LRRN1: variants seen among roughly 807,000 people sequenced by gnomAD.
The protein encoded by LRRN1 is leucine rich repeat neuronal 1, also known as leucine-rich repeat neuronal protein 1.
Under a neutral mutation model 45.8 loss-of-function variants are expected in LRRN1, and 14 were observed. The ratio of observed to expected loss-of-function variants is 0.31; its 90% confidence interval spans 0.20 to 0.48. The LOEUF (loss-of-function observed/expected upper bound fraction) is 0.48. LRRN1 is among the 20% of genes least tolerant of loss of function. The pLI is 0.99. For synonymous variants in LRRN1, 359 were observed against 330.1 expected (o/e 1.09, Z -0.95); for missense variants, 789 against 874.2 (o/e 0.90, Z 1.23).
chr3:3,844,878 A>G lies in LRRN1; in HGVS notation c.237A>G (p.Leu79=), dbSNP rs763456048. The stretch of plus-strand genomic sequence containing the variant: ...CTAGTGACACACAAGTGCTTCTCTT[A>G]CAGAGCAATAACATCGCAAAGACTG... ...NLSSDTQVLL[L]QSNNIAKTVD... is the part of the protein sequence containing the mutation. Residue 79 remains leucine (L), a synonymous_variant, in exon 2 of 2, where the codon TTA becomes TTG. Coordinates refer to ENST00000319331, the MANE Select transcript of LRRN1 (RefSeq NM_020873.7). The G allele has an allele frequency of 6.2e-7, 1 of 1,614,188 alleles. No individual in the cohort carries two copies. The highest frequency in any genetic ancestry group is 8.5e-7 in the Non-Finnish European group (1 of 1,180,016).
chr3:3,845,323 A>G lies in LRRN1; in HGVS notation c.682A>G (p.Thr228Ala), dbSNP rs761666426. 6.2e-7 allele frequency: 1 copy of G among 1,612,390 alleles called. No homozygotes were observed. The highest frequency in any genetic ancestry group is 1.1e-5 in the South Asian group (1 of 91,036). The change falls in exon 2 of 2, where the codon ACT becomes GCT. Residue 228 changes from threonine (T) to alanine (A), a missense_variant. Coordinates refer to ENST00000319331, the MANE Select transcript of LRRN1 (RefSeq NM_020873.7). This position sits in a 1 kb window ranked among gnomAD's most constrained non-coding sequence, Gnocchi z 6.5. ...RSLVLAGMYL[T>A]DIPGNALVGL... ...CTTAGTTTTGGCAGGAATGTATCTC[A>G]CTGATATTCCTGGAAATGCTTTGGT...
At chr3:3,840,611 A>G (rs535415803) in intron 1 of LRRN1, among the ~76,000 whole-genome samples, 1 of 152,298 alleles carries the variant, frequency 6.6e-6, no homozygotes, top group African/African-American at 2.4e-5. Context: ...CTCCTTTTTT[A>G]TTAAGGATGT....
rs377159130 is a variant in LRRN1, at chr3:3,843,654, G to A, written c.-278-710G>A. On this transcript the variant is annotated intron_variant, in intron 1 of 1. Transcript: ENST00000319331. ...GTCCTATTCTGGATACTTTGTATAT[G>A]TGGAATCATAAAATAGGTGATCTTT... Among the ~76,000 whole-genome samples, 108 of 151,386 alleles carry A rather than the reference G, an allele frequency of 7.1e-4. 1 individual carries two copies. The South Asian group carries it at 0.022, about 31-fold the overall frequency.
chr3:3,814,711 A>G (rs148298878), intron 1 of LRRN1, among the ~76,000 whole-genome samples: 7 of 152,168 alleles, frequency 4.6e-5, no homozygotes, highest in African/African-American at 1.7e-4. Context: ...CTCCTCTGCC[A>G]TGTGAGGATG....
chr3:3,806,644 T>C (rs148995686), intron 1 of LRRN1, among the ~76,000 whole-genome samples: 37 of 152,322 alleles, frequency 2.4e-4, no homozygotes, highest in African/African-American at 7.5e-4. Flanking sequence ...ACAAGCTGCA[T>C]GAAGAGAAGA....
intron 1 of LRRN1, among the ~76,000 whole-genome samples, chr3:3,803,272 T>C (rs1183230013): frequency 2.6e-5 from 4 of 152,206 alleles, no homozygotes; most frequent in African/African-American, 9.6e-5. Context: ...GTTATATTGC[T>C]ACTTCCCAAG....
In LRRN1 at chr3:3,803,600, A is replaced by C. The variant is rs532745387; in HGVS notation, c.-279+3681A>C. Among the ~76,000 whole-genome samples the C allele has an allele frequency of 2.2e-4, 33 of 152,332 alleles. No individual in the cohort carries two copies. The South Asian group carries it at 6.8e-3, about 32-fold the overall frequency. Reference sequence around the variant, plus strand: ...ATTGTAGAATCATATGATCATTTAGAATCATATGTTTCTGGGAACAATGAA... The same window carrying C: ...ATTGTAGAATCATATGATCATTTAGCATCATATGTTTCTGGGAACAATGAA... On this transcript the variant is annotated intron_variant, in intron 1 of 1. Transcript: ENST00000319331.
rs1693730084 is a variant in LRRN1, at chr3:3,844,959, C to G, written c.318C>G (p.Asn106Lys). ...CTGAACTAGATTTCTCCCAAAACAA[C>G]TTTACTAACATTAAGGAGGTCGGGC... ...NLTELDFSQN[N>K]FTNIKEVGLA... The change falls in exon 2 of 2, where the codon AAC becomes AAG. Residue 106 changes from asparagine (N) to lysine (K), a missense_variant. Transcript: ENST00000319331. The G allele has an allele frequency of 6.2e-7, 1 of 1,614,020 alleles. No individual in the cohort carries two copies.
intron 1 of LRRN1, among the ~76,000 whole-genome samples, chr3:3,819,947 T>G (rs1693069242): frequency 6.6e-6 from 1 of 152,124 alleles, no homozygotes; most frequent in Non-Finnish European, 1.5e-5. Context: ...AAAAGTATCA[T>G]GTGTGGAGCT....
chr3:3,831,172 A>G (rs530462183), intron 1 of LRRN1, among the ~76,000 whole-genome samples: 1 of 152,332 alleles, frequency 6.6e-6, no homozygotes, highest in Admixed American at 6.5e-5. Context: ...AATGGGCCGG[A>G]GTAACACACC....
At chr3:3,834,543 T>TATATATATATATATATATATATATATATG (rs1553563104) in intron 1 of LRRN1, among the ~76,000 whole-genome samples, 3 of 115,040 alleles carry the variant, frequency 2.6e-5, no homozygotes, top group African/African-American at 9.9e-5. Context: ...TATATATATA[T>TATATATATATATATATATATATATATATG]ATATATATAT....
chr3:3,821,896 T>C (rs1177998514), intron 1 of LRRN1, among the ~76,000 whole-genome samples: 1 of 152,160 alleles, frequency 6.6e-6, no homozygotes, highest in African/African-American at 2.4e-5. Context: ...GCCAGACTCA[T>C]TGCCTCACCC....
intron 1 of LRRN1, among the ~76,000 whole-genome samples, chr3:3,811,681 T>A (rs1692874567): frequency 6.6e-6 from 1 of 152,218 alleles, no homozygotes; most frequent in Non-Finnish European, 1.5e-5. Context: ...TGTGATATTA[T>A]TGCCAAGGAA....
chr3:3,815,248 C>A (rs1447446573), intron 1 of LRRN1, among the ~76,000 whole-genome samples: 1 of 152,080 alleles, frequency 6.6e-6, no homozygotes, highest in East Asian at 1.9e-4. Context: ...AAAAGGTAAG[C>A]CCTCCTTTTT....
intron 1 of LRRN1, among the ~76,000 whole-genome samples, chr3:3,802,535 G>A (rs1159660916): frequency 1.3e-5 from 2 of 152,198 alleles, no homozygotes; most frequent in Non-Finnish European, 2.9e-5. Context: ...GACAACAGAT[G>A]TTAGTCTGCT....
chr3:3,839,238 AC>A (rs1485882623), intron 1 of LRRN1, among the ~76,000 whole-genome samples: 1 of 152,152 alleles, frequency 6.6e-6, no homozygotes, highest in East Asian at 1.9e-4. Context: ...AGTTTTCCTC[AC>A]ACAATTTGTT....
chr3:3,811,877 T>A (rs1382620145), intron 1 of LRRN1, among the ~76,000 whole-genome samples: 1 of 152,214 alleles, frequency 6.6e-6, no homozygotes, highest in Non-Finnish European at 1.5e-5. Context: ...GTAGGAATTC[T>A]GCAACAAAGC....
chr3:3,822,702 CATT>C (rs1693129550), intron 1 of LRRN1: 1 of 152,142 alleles, frequency 6.6e-6, no homozygotes, highest in African/African-American at 2.4e-5. Flanking sequence ...TAGCATTTCT[CATT>C]AAAATAAATG....
intron 1 of LRRN1, among the ~76,000 whole-genome samples, chr3:3,808,239 A>T (rs1390164421): frequency 2.0e-5 from 3 of 152,174 alleles, no homozygotes; most frequent in Non-Finnish European, 4.4e-5. Context: ...CGTAGCATAC[A>T]GTAGTAGCAG....
Sources: allele counts gnomAD v4.1 joint callset (sites outside exome capture counted in the v4.1 genomes callset), GRCh38; gene constraint gnomAD v4.1.1; non-coding constraint Gnocchi (gnomAD v3.1); transcripts MANE v1.5; gene names NCBI Gene and HGNC (gene_info 2026-07-23, HGNC 2026-07-21).